The following CEP128 variants were observed in gnomAD, a reference collection of about 807,000 sequenced individuals.
CEP128 encodes centrosomal protein 128kDa.
In CEP128, 132 loss-of-function variants were observed where a neutral mutation model predicts 156.7. The observed-to-expected ratio is 0.84, with a 90% CI of 0.73 to 0.97. The LOEUF (loss-of-function observed/expected upper bound fraction) is 0.97. Ranked by LOEUF, CEP128 falls within the 50% of genes least tolerant of loss-of-function variation. The pLI, the probability that CEP128 is intolerant of heterozygous loss-of-function variation, is 0.00. For missense variants in CEP128, 1,252 were observed against 1,281.9 expected, an observed-to-expected ratio of 0.98 and a Z score of 0.36; for synonymous variants, 469 against 448.9, an observed-to-expected ratio of 1.04 and a Z score of -0.57.
intron 19 of CEP128, among the ~76,000 whole-genome samples, chr14:80,621,702 C>G (rs79369363): frequency 0.037 from 5,621 of 152,226 alleles, 204 homozygotes; most frequent in South Asian, 0.17. Flanking sequence ...TCCAAATCAG[C>G]TATGATATAT....
At chr14:80,855,087 C>T (rs989462657) in intron 9 of CEP128, among the ~76,000 whole-genome samples, 6 of 152,114 alleles carry the variant, frequency 3.9e-5, no homozygotes, top group Admixed American at 3.3e-4. Flanking sequence ...AACTTTACCC[C>T]GTGAAGAATA....
At chr14:80,489,194 G>T (rs1887242472), downstream of CEP128, among the ~76,000 whole-genome samples, 4 of 132,504 alleles carry the variant, frequency 3.0e-5, no homozygotes, top group South Asian at 7.3e-4. Context: ...AAGAGGGAAA[G>T]AATATTTTCC....
At chr14:80,918,840 T>C (rs1477474922) in intron 2 of CEP128, among the ~76,000 whole-genome samples, 4 of 152,186 alleles carry the variant, frequency 2.6e-5, no homozygotes, top group African/African-American at 9.6e-5. Flanking sequence ...GTGACATATC[T>C]ATACTAATGC....
chr14:80,612,365 T>G (rs542669257), intron 19 of CEP128, among the ~76,000 whole-genome samples: 115 of 152,334 alleles, frequency 7.5e-4, no homozygotes, highest in African/African-American at 2.5e-3. Context: ...ATTCTAATTC[T>G]ATTCTAATAT....
At chr14:80,680,361 G>A (rs565813232) in intron 19 of CEP128, among the ~76,000 whole-genome samples, 3 of 152,252 alleles carry the variant, frequency 2.0e-5, no homozygotes, top group South Asian at 4.1e-4. Flanking sequence ...CACTTGCCTA[G>A]ACCAGCATCC....
chr14:80,829,362 T>C lies in CEP128; in HGVS notation c.1209+1781A>G, dbSNP rs894289887. On this transcript the variant is annotated intron_variant, in intron 13 of 24. Coordinates refer to ENST00000555265, the MANE Select transcript of CEP128 (RefSeq NM_152446.5). The stretch of plus-strand genomic sequence containing the variant: ...AATTTCATTCTCAAAAAGAAATTTA[T>C]TCTTAGAAGCAAGACAAACTCAAAG... Among the ~76,000 whole-genome samples, 5 of 152,366 alleles carry C rather than the reference T, an allele frequency of 3.3e-5. No homozygotes were observed. The East Asian group carries it at 9.6e-4, about 29-fold the overall frequency.
At chr14:80,665,651 AACAAC>A (rs1895582072) in intron 19 of CEP128, among the ~76,000 whole-genome samples, 1 of 152,172 alleles carries the variant, frequency 6.6e-6, no homozygotes, top group Non-Finnish European at 1.5e-5. Context: ...TCACTGTCTA[AACAAC>A]TGCTCTTTAT....
chr14:80,589,463 GCCTTGTGAAGAAA>G (rs1555378324), intron 19 of CEP128, among the ~76,000 whole-genome samples: 1 of 152,108 alleles, frequency 6.6e-6, no homozygotes, highest in Non-Finnish European at 1.5e-5. Flanking sequence ...TTCAATGAAA[GCCTTGTGAAGAAA>G]CCTGTGATTA....
At chr14:80,797,302 C>G (rs1566632817) in intron 13 of CEP128, among the ~76,000 whole-genome samples, 1 of 152,148 alleles carries the variant, frequency 6.6e-6, no homozygotes, top group Non-Finnish European at 1.5e-5. Context: ...ATGCTACATG[C>G]AATAATTCAC....
intron 2 of CEP128, among the ~76,000 whole-genome samples, chr14:80,951,605 C>T (rs182645447): frequency 1.3e-5 from 2 of 151,944 alleles, no homozygotes; most frequent in Non-Finnish European, 2.9e-5. Context: ...AGAATTGGAT[C>T]AAATAACAAT....
intron 23 of CEP128, among the ~76,000 whole-genome samples, chr14:80,516,207 T>C (rs1400957491): frequency 2.0e-5 from 3 of 152,132 alleles, no homozygotes; most frequent in African/African-American, 7.2e-5. Flanking sequence ...ACTGGGTCCT[T>C]CCTTCAACAA....
intron 19 of CEP128, among the ~76,000 whole-genome samples, chr14:80,608,223 T>A (rs7160951): frequency 0.13 from 20,403 of 152,226 alleles, 1,464 homozygotes; most frequent in South Asian, 0.25. Flanking sequence ...GAACATTATC[T>A]ATATATTTGT....
chr14:80,496,349 G>C (rs768659037), downstream of CEP128: 1 of 152,666 alleles, frequency 6.6e-6, no homozygotes, highest in East Asian at 1.9e-4. Flanking sequence ...TTCATGGAAA[G>C]AGGCTGCCAT....
intron 14 of CEP128, among the ~76,000 whole-genome samples, chr14:80,483,238 C>A (rs1401091394): frequency 2.0e-5 from 3 of 152,162 alleles, no homozygotes; most frequent in Non-Finnish European, 4.4e-5. Flanking sequence ...GTGGATAGTC[C>A]TGGGGAAGCA....
intron 18 of CEP128, among the ~76,000 whole-genome samples, chr14:80,745,486 C>G (rs1171392616): frequency 6.6e-6 from 1 of 152,060 alleles, no homozygotes; most frequent in East Asian, 1.9e-4. Context: ...CATATTAATA[C>G]AATTAGGGAC....
At chr14:80,585,642 G>A (rs1024555540) in intron 19 of CEP128, among the ~76,000 whole-genome samples, 15 of 152,142 alleles carry the variant, frequency 9.9e-5, no homozygotes, top group Non-Finnish European at 2.1e-4. Context: ...GAGTAACATT[G>A]GCAGCAGAAT....
intron 19 of CEP128, among the ~76,000 whole-genome samples, chr14:80,691,520 G>C (rs1294135935): frequency 6.6e-6 from 1 of 152,160 alleles, no homozygotes; most frequent in Non-Finnish European, 1.5e-5. Flanking sequence ...CTGACTGTTA[G>C]GCAGGGAGAG....
intron 9 of CEP128, among the ~76,000 whole-genome samples, chr14:80,857,750 C>A (rs527339422): frequency 1.4e-4 from 17 of 124,476 alleles, no homozygotes; most frequent in Admixed American, 3.3e-4. Flanking sequence ...AAAACAACAA[C>A]AACAACAACA....
At chr14:80,924,460 T>C (rs894758570) in intron 2 of CEP128, among the ~76,000 whole-genome samples, 2 of 152,180 alleles carry the variant, frequency 1.3e-5, no homozygotes, top group African/African-American at 4.8e-5. Context: ...AGTAAATAAA[T>C]AAGTCATAGT....
Sources: allele counts gnomAD v4.1 joint callset (sites outside exome capture counted in the v4.1 genomes callset), GRCh38; gene constraint gnomAD v4.1.1; transcripts MANE v1.5; gene names NCBI Gene and HGNC (gene_info 2026-07-23, HGNC 2026-07-21).